The following TBC1D8 variants were observed in gnomAD, a reference collection of about 807,000 sequenced individuals.
TBC1D8 encodes the protein BUB2-like protein 1.
Under a neutral mutation model 118.8 loss-of-function variants are expected in TBC1D8, and 65 were observed. The ratio of observed to expected loss-of-function variants is 0.55; its 90% CI spans 0.45 to 0.67. TBC1D8 has a LOEUF of 0.67. Ranked by LOEUF, TBC1D8 falls within the 30% of genes least tolerant of loss-of-function variation. TBC1D8 has a pLI of 0.00. For missense variants in TBC1D8, 1,376 were observed against 1,471.2 expected, an observed-to-expected ratio of 0.94 and a Z score of 1.06; for synonymous variants, 566 against 595.8, an observed-to-expected ratio of 0.95 and a Z score of 0.73.
intron 2 of TBC1D8, among the ~76,000 whole-genome samples, chr2:101,074,763 AGTTAT>A (rs1247644047): frequency 1.3e-5 from 2 of 152,248 alleles, no homozygotes; most frequent in Non-Finnish European, 2.9e-5. Context: ...ATCAAAGTTA[AGTTAT>A]AACTATGTAG....
intron 1 of TBC1D8, among the ~76,000 whole-genome samples, chr2:101,137,710 C>T (rs1002299688): frequency 6.6e-6 from 1 of 152,112 alleles, no homozygotes; most frequent in East Asian, 1.9e-4. Context: ...AGTTAGTTTC[C>T]TACCAGCATT....
intron 12 of TBC1D8, among the ~76,000 whole-genome samples, chr2:101,028,931 T>C (rs1460956297): frequency 2.0e-5 from 3 of 152,172 alleles, no homozygotes; most frequent in South Asian, 2.1e-4. Flanking sequence ...ATGCAAGACA[T>C]TTAATCTTCT....
At chr2:101,066,321 T>G (rs1454277988) in intron 2 of TBC1D8, among the ~76,000 whole-genome samples, 1 of 151,750 alleles carries the variant, frequency 6.6e-6, no homozygotes, top group African/African-American at 2.4e-5. Context: ...ATAAATATAC[T>G]CCATATGTTC....
intron 17 of TBC1D8, among the ~76,000 whole-genome samples, chr2:101,015,279 A>G (rs1679540558): frequency 1.3e-5 from 2 of 152,216 alleles, no homozygotes; most frequent in African/African-American, 4.8e-5. Context: ...ACCACTTACT[A>G]TGAATGGAGG....
At chr2:101,035,029 C>T (rs572056541) in intron 9 of TBC1D8, among the ~76,000 whole-genome samples, 9 of 151,646 alleles carry the variant, frequency 5.9e-5, no homozygotes, top group East Asian at 1.9e-4. Flanking sequence ...GGGGGGGAGA[C>T]AGGGAAGAGG....
In TBC1D8 at chr2:101,082,403, G is replaced by A. The variant is rs540401179; in HGVS notation, c.283+7806C>T. On this transcript the variant is annotated intron_variant, in intron 2 of 19. Transcript: ENST00000409318. ...ATAGGCATCAATGCAGCCAAAAACCGGCCCTCCTGCAGGCTGGGCACCCTG... is the reference window on the plus strand; with the variant it reads ...ATAGGCATCAATGCAGCCAAAAACCAGCCCTCCTGCAGGCTGGGCACCCTG... 7.5e-4 allele frequency among the ~76,000 whole-genome samples: 114 copies of A among 152,146 alleles called. 1 individual carries two copies. The highest frequency in any genetic ancestry group is 1.4e-3 in the Non-Finnish European group (95 of 68,014).
At chr2:101,136,876 C>T (rs970834754) in intron 1 of TBC1D8, among the ~76,000 whole-genome samples, 2 of 152,138 alleles carry the variant, frequency 1.3e-5, no homozygotes, top group Admixed American at 1.3e-4. Flanking sequence ...ACCCATTTAA[C>T]TCTCTATGCT....
At chr2:101,050,244 T>C (rs937974144) in intron 5 of TBC1D8, among the ~76,000 whole-genome samples, 157 bp downstream of exon 5, 4 of 152,220 alleles carry the variant, frequency 2.6e-5, no homozygotes, top group African/African-American at 9.6e-5. Flanking sequence ...GTCATATCTC[T>C]GTCGAGATTA....
chr2:101,095,259 T>TTATTATTAA (rs2105462329), intron 1 of TBC1D8, among the ~76,000 whole-genome samples: 1 of 149,972 alleles, frequency 6.7e-6, no homozygotes, highest in South Asian at 2.1e-4. Context: ...TTTATTATTA[T>TTATTATTAA]TATTATTATA....
intron 1 of TBC1D8, among the ~76,000 whole-genome samples, chr2:101,091,190 C>T (rs961677592): frequency 6.6e-6 from 1 of 152,118 alleles, no homozygotes; most frequent in Non-Finnish European, 1.5e-5. Context: ...GAGGCCGAGG[C>T]AAGAGAATCG....
chr2:101,144,322 A>G (rs1679235038), intron 1 of TBC1D8, among the ~76,000 whole-genome samples: 1 of 152,064 alleles, frequency 6.6e-6, no homozygotes, highest in Admixed American at 6.5e-5. Flanking sequence ...GAGTAGGGGA[A>G]GGGTCAGGTA....
intron 11 of TBC1D8, among the ~76,000 whole-genome samples, chr2:101,030,658 C>T (rs1428987425): frequency 6.6e-6 from 1 of 152,128 alleles, no homozygotes; most frequent in Non-Finnish European, 1.5e-5. Context: ...TAGGTAAATA[C>T]CCAAGAAAAA....
In TBC1D8 at chr2:101,022,634, C is replaced by A. The variant is rs760834522; in HGVS notation, c.2521-113G>T. On this transcript the variant is annotated intron_variant, in intron 15 of 19. Coordinates refer to ENST00000409318, the MANE Select transcript of TBC1D8 (RefSeq NM_001330348.2). ...ACAATCTCACCACTCTAACTGGATA[C>A]GTAAAAGTGTTCCCTTGTTACCCTG... is the stretch of plus-strand genomic sequence containing the variant. 4.3e-6 allele frequency: 6 copies of A among 1,408,766 alleles called. No homozygotes were observed. In the African/African-American group the frequency reaches 4.4e-5, roughly 10 times the overall value. The allele number at this position is 1,408,766 out of a possible 1,614,324, so 87.3% of individuals were successfully genotyped here. A position where few individuals can be genotyped will look rare whatever the true frequency, so the allele number is the denominator to read the frequency against.
At chr2:101,134,717 C>T (rs1452011709) in intron 1 of TBC1D8, among the ~76,000 whole-genome samples, 1 of 152,210 alleles carries the variant, frequency 6.6e-6, no homozygotes, top group Non-Finnish European at 1.5e-5. Context: ...TCCCTGCAGG[C>T]ACTATCTTCA....
At chr2:101,038,176 T>G (rs1411544978) in intron 7 of TBC1D8, among the ~76,000 whole-genome samples, 2 of 152,158 alleles carry the variant, frequency 1.3e-5, no homozygotes, top group Non-Finnish European at 2.9e-5. Flanking sequence ...ACAAAGCTCC[T>G]CTTTTAGCAG....
chr2:101,118,419 G>A (rs559011151), intron 1 of TBC1D8, among the ~76,000 whole-genome samples: 17 of 152,294 alleles, frequency 1.1e-4, no homozygotes, highest in East Asian at 5.8e-4. Flanking sequence ...CCAGGTAGCC[G>A]GGCACAGTGG....
chr2:101,022,455 G>T lies in TBC1D8; in HGVS notation c.2587C>A (p.Arg863=), dbSNP rs1488631544. ...ATGCGGTACTGCTCAGCATAGGGCC[G>T]GCTGGGGTCGTGGCGTGAGGCCATG... ...RPMASRHDPS[R]PYAEQYRIDA... The change falls in exon 16 of 20, where the codon CGG becomes AGG. Residue 863 remains arginine (R), a synonymous_variant. Transcript: ENST00000409318. The T allele has an allele frequency of 3.1e-6, 5 of 1,609,658 alleles. No individual in the cohort carries two copies. Among genetic ancestry groups the T allele is most frequent in the Non-Finnish European group, 3.4e-6 (4 of 1,178,680 alleles).
At chr2:101,054,672 C>CTTTTCTTTTTTTTTT (rs1682299347) in intron 3 of TBC1D8, among the ~76,000 whole-genome samples, 1 of 25,440 alleles carries the variant, frequency 3.9e-5, no homozygotes, top group Non-Finnish European at 5.9e-5. Context: ...CTTTTCTTTT[C>CTTTTCTTTTTTTTTT]TTTTTTTTTT....
At chr2:101,090,389 G>A (rs1412201355) in intron 1 of TBC1D8, 25 bp from the exon 2 acceptor site, 1 of 1,612,762 alleles carries the variant, frequency 6.2e-7, no homozygotes, top group Admixed American at 1.7e-5. Flanking sequence ...AGAAGAAAGT[G>A]CACCTGTGAG....
Sources: gnomAD v4.1 joint callset for allele counts (sites outside exome capture counted in the v4.1 genomes callset) on GRCh38, gnomAD v4.1.1 for gene constraint, MANE v1.5 for transcripts, NCBI Gene and HGNC (gene_info 2026-07-23, HGNC 2026-07-21) for gene names.